CCSER2: variants seen among roughly 807,000 people sequenced by gnomAD.
The protein encoded by CCSER2 is serine-rich coiled-coil domain-containing protein 2.
CCSER2 carries 46 observed loss-of-function variants against 92.3 expected under a neutral mutation model. That is an observed-to-expected ratio of 0.50 (90% CI 0.39 to 0.64). The LOEUF is 0.64. CCSER2 is among the 30% of genes least tolerant of loss of function. CCSER2 has a pLI of 0.00. For missense variants in CCSER2, 1,244 were observed against 1,238.9 expected (o/e 1.00, Z -0.06); for synonymous variants, 433 against 431.4 (o/e 1.00, Z -0.04).
At chr10:84,406,235 A>C (rs1842369100) in intron 3 of CCSER2, among the ~76,000 whole-genome samples, 1 of 152,238 alleles carries the variant, frequency 6.6e-6, no homozygotes, top group Non-Finnish European at 1.5e-5. Context: ...GATGGAGAAC[A>C]GATCAGTGTT....
intron 1 of CCSER2, among the ~76,000 whole-genome samples, chr10:84,338,315 A>C (rs370296816): frequency 4.3e-4 from 57 of 132,808 alleles, no homozygotes; most frequent in South Asian, 9.8e-4. Flanking sequence ...ACAAAAAAAA[A>C]CCCCAAAAAC....
chr10:84,435,070 C>G (rs960115458), intron 5 of CCSER2, among the ~76,000 whole-genome samples: 2 of 152,112 alleles, frequency 1.3e-5, no homozygotes, highest in African/African-American at 2.4e-5. Context: ...CATTTCAGTA[C>G]TAAGAGAAAA....
chr10:84,373,539 T>C (rs1846178419), intron 2 of CCSER2, 80 bp from the exon 3 acceptor site: 1 of 1,093,370 alleles, frequency 9.1e-7, no homozygotes, highest in East Asian at 2.6e-5. Flanking sequence ...CTATGATATA[T>C]CAAATTATTA....
intron 5 of CCSER2, among the ~76,000 whole-genome samples, chr10:84,433,152 C>G (rs1331319631): frequency 1.3e-5 from 2 of 152,040 alleles, no homozygotes; most frequent in Non-Finnish European, 2.9e-5. Flanking sequence ...AGTGTTAGGC[C>G]TTCGACTTTC....
intron 3 of CCSER2, among the ~76,000 whole-genome samples, chr10:84,407,648 A>G (rs1396650186): frequency 6.6e-6 from 1 of 152,202 alleles, no homozygotes; most frequent in Non-Finnish European, 1.5e-5. Flanking sequence ...TCTCACTTAA[A>G]TCCATTCTCT....
chr10:84,474,508 A>G (rs1264415503), intron 8 of CCSER2, among the ~76,000 whole-genome samples: 1 of 151,986 alleles, frequency 6.6e-6, no homozygotes, highest in Non-Finnish European at 1.5e-5. Flanking sequence ...TAAAAATACA[A>G]AAATTAGCTG....
chr10:84,356,657 CAG>C lies in CCSER2; in HGVS notation c.-39-14356_-39-14355del. Among the ~76,000 whole-genome samples the C allele has an allele frequency of 2.0e-5, 3 of 152,222 alleles. No individual in the cohort carries two copies. The Middle Eastern group carries it at 0.01, about 518-fold the overall frequency. On this transcript the variant is annotated intron_variant, in intron 1 of 9. Transcript: ENST00000372088. ...AATACATTATTAAGAAGGAAGCTAT[CAG>C]GGAAGAGATCGGTTTCTTCATTAGG... is the stretch of plus-strand genomic sequence containing the variant.
At chr10:84,347,379 C>T (rs898046628) in intron 1 of CCSER2, among the ~76,000 whole-genome samples, 12 of 150,596 alleles carry the variant, frequency 8.0e-5, no homozygotes, top group East Asian at 4.1e-4. Context: ...CCCCACCTCC[C>T]GGACGGGGCG....
chr10:84,367,648 CTT>C (rs1845847258), intron 1 of CCSER2, among the ~76,000 whole-genome samples: 1 of 151,446 alleles, frequency 6.6e-6, no homozygotes, highest in South Asian at 2.1e-4. Context: ...TCGATATACT[CTT>C]GTTACCTTAA....
intron 1 of CCSER2, among the ~76,000 whole-genome samples, chr10:84,357,329 A>T (rs1000997373): frequency 1.3e-5 from 2 of 152,234 alleles, no homozygotes; most frequent in Admixed American, 1.3e-4. Context: ...ATTGGGGCTG[A>T]TGACTAACTA....
chr10:84,342,067 C>A, intron 1 of CCSER2, among the ~76,000 whole-genome samples: 1 of 152,212 alleles, frequency 6.6e-6, no homozygotes, highest in Admixed American at 6.5e-5. Flanking sequence ...TCCCCTTCCC[C>A]CCCCTGGAGG....
intron 9 of CCSER2, among the ~76,000 whole-genome samples, chr10:84,491,821 T>C (rs1848186678): frequency 1.3e-5 from 2 of 152,114 alleles, no homozygotes; most frequent in South Asian, 4.2e-4. Context: ...TCACCCCTCT[T>C]CTGGGTTGCT....
intron 3 of CCSER2, among the ~76,000 whole-genome samples, chr10:84,382,553 G>C (rs1840970965): frequency 6.6e-6 from 1 of 152,240 alleles, no homozygotes; most frequent in African/African-American, 2.4e-5. Context: ...GCCATACTCA[G>C]AATCTTCTTT....
intron 9 of CCSER2, among the ~76,000 whole-genome samples, chr10:84,501,626 C>CT (rs1848725445): frequency 6.7e-6 from 1 of 150,150 alleles, no homozygotes; most frequent in African/African-American, 2.4e-5. Flanking sequence ...AGTGCTTCTT[C>CT]TCCTTCCTTC....
intron 9 of CCSER2, among the ~76,000 whole-genome samples, chr10:84,490,750 A>G (rs975163564): frequency 1.3e-5 from 2 of 152,188 alleles, no homozygotes; most frequent in Non-Finnish European, 2.9e-5. Context: ...TGTCGAAGTC[A>G]TTCTCCGTCC....
At chr10:84,361,757 C>T (rs1283900989) in intron 1 of CCSER2, among the ~76,000 whole-genome samples, 1 of 152,004 alleles carries the variant, frequency 6.6e-6, no homozygotes, top group Non-Finnish European at 1.5e-5. Flanking sequence ...TCTCCTGCCT[C>T]AGCCTCCCGA....
intron 1 of CCSER2, among the ~76,000 whole-genome samples, chr10:84,346,752 C>CTT (rs202106905): frequency 2.3e-4 from 29 of 127,668 alleles, no homozygotes; most frequent in Non-Finnish European, 4.2e-4. Context: ...ATCCTCATTT[C>CTT]TTTTTTTTTA....
chr10:84,383,663 C>T (rs990665978), intron 3 of CCSER2, among the ~76,000 whole-genome samples: 2 of 152,184 alleles, frequency 1.3e-5, no homozygotes, highest in Non-Finnish European at 2.9e-5. Context: ...CAGGTGGTTG[C>T]ACCTTCTCTA....
chr10:84,332,860 G>A (rs929375939), intron 1 of CCSER2, among the ~76,000 whole-genome samples: 3 of 152,068 alleles, frequency 2.0e-5, no homozygotes, highest in African/African-American at 7.2e-5. Context: ...TTTTGAGAAT[G>A]AATGCCATGT....
Sources: gnomAD v4.1 joint callset for allele counts (sites outside exome capture counted in the v4.1 genomes callset) on GRCh38, gnomAD v4.1.1 for gene constraint, MANE v1.5 for transcripts, NCBI Gene and HGNC (gene_info 2026-07-23, HGNC 2026-07-21) for gene names.